The following CNTN4 variants were observed in gnomAD, a reference collection of about 807,000 sequenced individuals.
CNTN4 encodes contactin-4.
In CNTN4, 77 loss-of-function variants were observed where a neutral mutation model predicts 122.5. The ratio of observed to expected loss-of-function variants is 0.63; its 90% CI spans 0.52 to 0.76. CNTN4 has a LOEUF of 0.76. Among genes scored for constraint, CNTN4 ranks in the 30% least tolerant of loss-of-function variants. CNTN4 has a pLI of 0.00. For missense variants in CNTN4, 1,256 were observed against 1,259.1 expected, an observed-to-expected ratio of 1.00 and a Z score of 0.04; for synonymous variants, 512 against 447.0, an observed-to-expected ratio of 1.15 and a Z score of -1.83.
intron 3 of CNTN4, among the ~76,000 whole-genome samples, chr3:2,464,216 A>G (rs2075417383): frequency 6.6e-6 from 1 of 152,238 alleles, no homozygotes; most frequent in African/African-American, 2.4e-5. Context: ...TATGCCAAAC[A>G]TAACACACTA....
intron 12 of CNTN4, among the ~76,000 whole-genome samples, chr3:2,920,644 T>C (rs1302376799): frequency 6.6e-6 from 1 of 152,086 alleles, no homozygotes; most frequent in African/African-American, 2.4e-5. Flanking sequence ...GAAAAGTCCG[T>C]GATAATGGTG....
chr3:2,173,790 C>G (rs1452479356), intron 2 of CNTN4, among the ~76,000 whole-genome samples: 1 of 151,858 alleles, frequency 6.6e-6, no homozygotes, highest in Non-Finnish European at 1.5e-5. Context: ...AATCTAAAAT[C>G]CAGTTGACTT....
intron 2 of CNTN4, among the ~76,000 whole-genome samples, chr3:2,123,983 T>C (rs144657705): frequency 2.0e-5 from 3 of 152,266 alleles, no homozygotes; most frequent in African/African-American, 7.2e-5. Context: ...AGATGTGGGA[T>C]AGTCAAAGCC....
intron 4 of CNTN4, among the ~76,000 whole-genome samples, chr3:2,630,096 A>G (rs71311717): frequency 6.6e-6 from 1 of 152,192 alleles, no homozygotes; most frequent in Admixed American, 6.5e-5. Context: ...TTATCACACA[A>G]CAACAGCAGC....
At chr3:2,804,065 G>GCGCACACACACA (rs2092408259) in intron 6 of CNTN4, among the ~76,000 whole-genome samples, 1 of 144,326 alleles carries the variant, frequency 6.9e-6, no homozygotes, top group Non-Finnish European at 1.5e-5. Flanking sequence ...ATATATGTCT[G>GCGCACACACACA]CACACACACA....
intron 3 of CNTN4, among the ~76,000 whole-genome samples, chr3:2,523,713 G>C (rs1184316942): frequency 2.0e-5 from 3 of 152,218 alleles, no homozygotes; most frequent in South Asian, 2.1e-4. Context: ...TCTCTGAAAT[G>C]TGCAAATATC....
chr3:2,836,205 T>A (rs1031164046), intron 7 of CNTN4, among the ~76,000 whole-genome samples: 1 of 152,074 alleles, frequency 6.6e-6, no homozygotes, highest in Admixed American at 6.5e-5. Context: ...ATGGAAGGAA[T>A]TGAAAGTTGT....
chr3:2,121,327 G>A (rs535148176), intron 2 of CNTN4, among the ~76,000 whole-genome samples: 6 of 152,110 alleles, frequency 3.9e-5, no homozygotes, highest in South Asian at 2.1e-4. Flanking sequence ...GTGAAACCCC[G>A]TCTCTACTAA....
In CNTN4 at chr3:3,040,089, T is replaced by G; in HGVS notation, c.2216T>G (p.Phe739Cys). 1 of 1,614,220 alleles carries G rather than the reference T, an allele frequency of 6.2e-7. No individual in the cohort carries two copies. The highest frequency in any genetic ancestry group is 2.2e-5 in the East Asian group (1 of 44,882). The change falls in exon 20 of 25, where the codon TTC becomes TGC. Residue 739 changes from phenylalanine (F) to cysteine (C), a missense_variant. Physicochemically the swap from Phe to Cys is radical, Grantham distance 205 (BLOSUM62 -2). Transcript: ENST00000418658. ...NGRGFGYVVA[F>C]RPYGKMIWML... ...CGAGGCTTTGGTTATGTGGTGGCCT[T>G]CCGGCCCTACGGTAAAATGATCTGG...
chr3:2,837,869 G>T (rs540096450), intron 7 of CNTN4, among the ~76,000 whole-genome samples: 1 of 152,260 alleles, frequency 6.6e-6, no homozygotes, highest in African/African-American at 2.4e-5. Flanking sequence ...TACCAAATTT[G>T]CTTCCCACTG....
intron 2 of CNTN4, among the ~76,000 whole-genome samples, chr3:2,135,444 C>G (rs940373562): frequency 6.6e-6 from 1 of 152,076 alleles, no homozygotes; most frequent in Non-Finnish European, 1.5e-5. Context: ...AGTTTTTAAG[C>G]CTTGAAAATT....
At chr3:2,230,849 A>T (rs1034723413) in intron 2 of CNTN4, among the ~76,000 whole-genome samples, 2 of 151,958 alleles carry the variant, frequency 1.3e-5, no homozygotes, top group Admixed American at 1.3e-4. Flanking sequence ...TGGCTTGAGC[A>T]TGGTGGTGCA....
intron 7 of CNTN4, among the ~76,000 whole-genome samples, chr3:2,834,897 C>CCTTTTTTTTTTTTTTTTTTTT (rs2093184374): frequency 1.3e-5 from 1 of 79,978 alleles, no homozygotes; most frequent in Non-Finnish European, 2.3e-5. Context: ...ATAAAGGCAA[C>CCTTTTTTTTTTTTTTTTTTTT]CTTTTTTTTT....
At chr3:2,308,638 C>A (rs1405291404) in intron 2 of CNTN4, among the ~76,000 whole-genome samples, 2 of 151,776 alleles carry the variant, frequency 1.3e-5, no homozygotes, top group East Asian at 3.9e-4. Context: ...TGATTTTTTT[C>A]TTGACCCCTT....
rs1453316556 is a variant in CNTN4 at position 2,561,166 on chromosome 3, C to T, written c.-88-10250C>T. 2.0e-5 allele frequency among the ~76,000 whole-genome samples: 3 copies of T among 152,242 alleles called. No homozygotes were observed. In the East Asian group the frequency reaches 5.8e-4, roughly 29 times the overall value. ...ATATTAGGTATTAGAGTGTTTTGTG[C>T]TTACCTTTAGCTCTTCTTTAGTTTA... On this transcript the variant is annotated intron_variant, in intron 3 of 24. Transcript: ENST00000418658.
chr3:2,641,954 A>G (rs1576319847), intron 4 of CNTN4, among the ~76,000 whole-genome samples: 2 of 152,188 alleles, frequency 1.3e-5, no homozygotes, highest in East Asian at 3.9e-4. Context: ...GTATTTCATG[A>G]AAACTTGGGG....
rs1293335831 is a variant in CNTN4 at position 2,736,312 on chromosome 3, A to G, written c.153A>G (p.Glu51=). Residue 51 remains glutamate, a synonymous_variant, in exon 5 of 25, where the codon GAA becomes GAG. Coordinates refer to ENST00000418658, the MANE Select transcript of CNTN4 (RefSeq NM_175607.3). ...SEEKKVKLNC[E]VKGNPKPHIR... is the part of the protein sequence containing the mutation. The stretch of plus-strand genomic sequence containing the variant: ...AGAAAAAAGTGAAGCTCAATTGTGA[A>G]GTTAAAGGAAATCCAAAACCTCATA... 1 of 1,613,848 alleles carries G rather than the reference A, an allele frequency of 6.2e-7. No individual in the cohort carries two copies. Among genetic ancestry groups the G allele is most frequent in the South Asian group, 1.1e-5 (1 of 91,074 alleles).
intron 23 of CNTN4, among the ~76,000 whole-genome samples, chr3:3,046,812 C>G: frequency 7.1e-6 from 1 of 140,236 alleles, no homozygotes; most frequent in Non-Finnish European, 1.6e-5. Flanking sequence ...CTAAATGCTC[C>G]AATTAAAAGA....
At chr3:2,935,020 C>T (rs2094555892) in intron 13 of CNTN4, among the ~76,000 whole-genome samples, 1 of 152,168 alleles carries the variant, frequency 6.6e-6, no homozygotes, top group Non-Finnish European at 1.5e-5. Context: ...AGTGCAGTTG[C>T]AAAAGTGTTT....
Sources: allele counts gnomAD v4.1 joint callset (sites outside exome capture counted in the v4.1 genomes callset), GRCh38; gene constraint gnomAD v4.1.1; transcripts MANE v1.5; gene names NCBI Gene and HGNC (gene_info 2026-07-23, HGNC 2026-07-21).